GJB7: variants seen among roughly 807,000 people sequenced by gnomAD.
GJB7 encodes gap junction protein beta 7.
For synonymous variants in GJB7, 87 were observed against 95.2 expected, an observed-to-expected ratio of 0.91 and a Z score of 0.50; for missense variants, 253 against 256.8, an observed-to-expected ratio of 0.99 and a Z score of 0.10.
chr6:87,288,690 G>A (rs534735716), intron 2 of GJB7, among the ~76,000 whole-genome samples: 1 of 152,268 alleles, frequency 6.6e-6, no homozygotes, highest in African/African-American at 2.4e-5. Flanking sequence ...ATCCGCCCAA[G>A]TGTTGAAGCC....
chr6:87,285,208 A>G (rs184874207), intron 2 of GJB7, among the ~76,000 whole-genome samples: 3 of 152,236 alleles, frequency 2.0e-5, no homozygotes, highest in African/African-American at 4.8e-5. Flanking sequence ...TTTTCAAACA[A>G]TTCTGTGGTT....
In GJB7 at chr6:87,284,928, G is replaced by A. The variant is rs1403130263; in HGVS notation, c.-16C>T. ...TCCAACTCATGACTTAGGCTCAAAA[G>A]AAGGCAAGACTCTGCAAAATAAGAC... is the stretch of plus-strand genomic sequence containing the variant. On this transcript the variant is annotated 5_prime_UTR_variant, in exon 3 of 3. Coordinates refer to ENST00000525899, the MANE Select transcript of GJB7 (RefSeq NM_198568.3). 1.3e-5 allele frequency: 21 copies of A among 1,598,598 alleles called. No homozygotes were observed. The highest frequency in any genetic ancestry group is 1.7e-4 in the Middle Eastern group (1 of 6,010).
chr6:87,317,362 T>TCAAA (rs200674056), intron 2 of GJB7, among the ~76,000 whole-genome samples: 8 of 151,908 alleles, frequency 5.3e-5, no homozygotes, highest in African/African-American at 9.7e-5. Context: ...AGACCCTGTC[T>TCAAA]CAAACAAACA....
At position 87,299,703 on chromosome 6, in the gene GJB7, T is replaced by C. The variant is rs367702015; in HGVS notation, c.-27-14764A>G. 42 of 164,844 alleles carry C rather than the reference T, an allele frequency of 2.5e-4. 1 individual carries two copies. In the East Asian group the frequency reaches 6.9e-3, roughly 27 times the overall value. The allele number at this position is 164,844 out of a possible 1,614,324, so 10.2% of individuals were successfully genotyped here. On this transcript the variant is annotated intron_variant, in intron 2 of 2. Coordinates refer to ENST00000525899, the MANE Select transcript of GJB7 (RefSeq NM_198568.3). ...AGAACCAACGTGAAGATACAGCTAT[T>C]GCTACTGGTGGTCTGGTGTTTAGTG...
intron 2 of GJB7, among the ~76,000 whole-genome samples, chr6:87,321,933 G>A (rs1460495193): frequency 6.6e-6 from 1 of 152,114 alleles, no homozygotes; most frequent in East Asian, 1.9e-4. Context: ...GAATGGCAAG[G>A]GGGAAGTCGG....
intron 2 of GJB7, among the ~76,000 whole-genome samples, chr6:87,303,730 C>T (rs1488162495): frequency 2.0e-5 from 3 of 152,222 alleles, no homozygotes; most frequent in African/African-American, 7.2e-5. Flanking sequence ...ACCTTCTTCT[C>T]AGCACTACGT....
chr6:87,302,383 A>G (rs1162980938), intron 2 of GJB7, among the ~76,000 whole-genome samples: 1 of 152,252 alleles, frequency 6.6e-6, no homozygotes. Flanking sequence ...TAACCAATGC[A>G]CAAGCTTCAG....
At chr6:87,315,809 A>G (rs1040813935) in intron 2 of GJB7, among the ~76,000 whole-genome samples, 53 of 150,424 alleles carry the variant, frequency 3.5e-4, no homozygotes, top group African/African-American at 1.1e-3. Context: ...AAAAAAAAAA[A>G]AAAAAAAGAA....
intron 2 of GJB7, among the ~76,000 whole-genome samples, chr6:87,315,769 C>T (rs1198489337): frequency 1.4e-5 from 2 of 141,818 alleles, no homozygotes; most frequent in East Asian, 4.0e-4. Flanking sequence ...GCACTCTAGC[C>T]TGGGCAGCAG....
chr6:87,314,541 A>AT, intron 2 of GJB7, among the ~76,000 whole-genome samples: 2 of 152,278 alleles, frequency 1.3e-5, no homozygotes, highest in South Asian at 4.1e-4. Flanking sequence ...AAGCTACGGA[A>AT]TTTTTTAGGA....
At chr6:87,311,697 T>C (rs1413182527) in intron 2 of GJB7, among the ~76,000 whole-genome samples, 1 of 152,228 alleles carries the variant, frequency 6.6e-6, no homozygotes, top group Non-Finnish European at 1.5e-5. Context: ...GTGAGCTGTT[T>C]ACCTCAGTAA....
At chr6:87,299,377 G>T (rs1776289319) in intron 2 of GJB7, 2 of 492,358 alleles carry the variant, frequency 4.1e-6, no homozygotes, top group African/African-American at 2.0e-5. Context: ...ACTGAATGAT[G>T]AATTAGAAAT....
chr6:87,288,150 C>T (rs988810280), intron 2 of GJB7, among the ~76,000 whole-genome samples: 4 of 152,148 alleles, frequency 2.6e-5, no homozygotes, highest in African/African-American at 9.7e-5. Flanking sequence ...ATCCGCCCAC[C>T]TCAGCCTCCC....
Position 87,284,713 on chromosome 6 carries a change from T to C in GJB7, c.200A>G (p.Asp67Gly). The C allele has an allele frequency of 6.2e-7, 1 of 1,614,042 alleles. No individual in the cohort carries two copies. ...TCTGACTTGGGAAATGGGGAAGAAG[T>C]CATCAAAACACACATTTTTGCAACC... ...QPGCKNVCFD[D>G]FFPISQVRLW... is the part of the protein sequence containing the mutation. Residue 67 changes from aspartate to glycine, a missense_variant, in exon 3 of 3, where the codon GAC becomes GGC. Transcript: ENST00000525899.
rs568543435 is a variant in GJB7 at position 87,296,177 on chromosome 6, C to G, written c.-27-11238G>C. 3.3e-5 allele frequency among the ~76,000 whole-genome samples: 5 copies of G among 152,288 alleles called. No homozygotes were observed. In the East Asian group the frequency reaches 5.8e-4, roughly 18 times the overall value. On this transcript the variant is annotated intron_variant, in intron 2 of 2. Coordinates refer to ENST00000525899, the MANE Select transcript of GJB7 (RefSeq NM_198568.3). ...CAGATAAATCTAGGATTTTATCTTG[C>G]TCCTTCCTTATTTGAATTTGCTTAA...
At chr6:87,313,594 T>C (rs117361549) in intron 2 of GJB7, among the ~76,000 whole-genome samples, 3,650 of 152,344 alleles carry the variant, frequency 0.024, 93 homozygotes, top group East Asian at 0.089. Flanking sequence ...ATGGTTGTTA[T>C]GTCTGTTGTG....
intron 2 of GJB7, among the ~76,000 whole-genome samples, chr6:87,301,909 A>T (rs1269635911): frequency 6.6e-6 from 1 of 152,238 alleles, no homozygotes; most frequent in African/African-American, 2.4e-5. Flanking sequence ...GCTGATACCC[A>T]GGCAAACAGG....
chr6:87,300,922 G>A (rs1776311481), intron 2 of GJB7, among the ~76,000 whole-genome samples: 2 of 152,168 alleles, frequency 1.3e-5, no homozygotes, highest in Admixed American at 6.5e-5. Context: ...AGACTGACAA[G>A]CATCCAGATA....
chr6:87,291,216 G>A (rs778729977), intron 2 of GJB7, among the ~76,000 whole-genome samples: 15 of 152,008 alleles, frequency 9.9e-5, no homozygotes, highest in Admixed American at 2.0e-4. Context: ...AATTGTACTC[G>A]TTTTGTAATG....
Sources: gnomAD v4.1 joint callset for allele counts (sites outside exome capture counted in the v4.1 genomes callset) on GRCh38, gnomAD v4.1.1 for gene constraint, MANE v1.5 for transcripts, NCBI Gene and HGNC (gene_info 2026-07-23, HGNC 2026-07-21) for gene names.